The following SMPDL3A variants were observed in gnomAD, a reference collection of about 807,000 sequenced individuals.
SMPDL3A encodes the protein sphingomyelin phosphodiesterase acid like 3A, also known as cyclic GMP-AMP phosphodiesterase SMPDL3A.
Under a neutral mutation model 38.5 loss-of-function variants are expected in SMPDL3A, and 39 were observed. That is an observed-to-expected ratio of 1.01 (90% CI 0.78 to 1.32). SMPDL3A has a LOEUF of 1.32. SMPDL3A is among the 40% of genes most tolerant of loss of function. SMPDL3A has a pLI of 0.00. For synonymous variants in SMPDL3A, 180 were observed against 194.3 expected, an observed-to-expected ratio of 0.93 and a Z score of 0.61; for missense variants, 502 against 536.2, an observed-to-expected ratio of 0.94 and a Z score of 0.63.
In SMPDL3A at chr6:122,795,876, C is replaced by T; in HGVS notation, c.312C>T (p.Phe104=). The change falls in exon 2 of 8, where the codon TTC becomes TTT. Residue 104 remains phenylalanine (F), a synonymous_variant. Transcript: ENST00000368440. The part of the protein sequence containing the change: ...FIKNSGQEAS[F]MIWTGDSPPH... Reference sequence around the variant, plus strand: ...AAAATTCTGGACAAGAAGCATCTTTCATGATATGGACAGGGTAAGTGATTA... The same window carrying T: ...AAAATTCTGGACAAGAAGCATCTTTTATGATATGGACAGGGTAAGTGATTA... 6.2e-7 allele frequency: 1 copy of T among 1,608,528 alleles called. No homozygotes were observed. Among genetic ancestry groups the T allele is most frequent in the South Asian group, 1.1e-5 (1 of 90,932 alleles).
chr6:122,804,304 A>C (rs1431859286), intron 5 of SMPDL3A, among the ~76,000 whole-genome samples: 2 of 131,274 alleles, frequency 1.5e-5, no homozygotes, highest in East Asian at 4.6e-4. Context: ...TTTAGTTTTA[A>C]ATTTTTTTTT....
At chr6:122,797,496 A>C (rs772343556) in intron 3 of SMPDL3A, among the ~76,000 whole-genome samples, 2 of 152,256 alleles carry the variant, frequency 1.3e-5, no homozygotes, top group Non-Finnish European at 2.9e-5. Context: ...GATTCAAGGC[A>C]GAAACCATGT....
chr6:122,799,497 C>T (rs906115226), intron 3 of SMPDL3A, among the ~76,000 whole-genome samples: 1 of 152,174 alleles, frequency 6.6e-6, no homozygotes, highest in African/African-American at 2.4e-5. Context: ...TAAGCTTCTC[C>T]ATCACCACAC....
chr6:122,803,168 G>A (rs9388137), intron 4 of SMPDL3A, among the ~76,000 whole-genome samples: 19,888 of 152,110 alleles, frequency 0.13, 1,739 homozygotes, highest in East Asian at 0.35. Context: ...TCAGAGGCGT[G>A]GGTGGAATGA....
chr6:122,795,147 G>T (rs1260314942), intron 1 of SMPDL3A, among the ~76,000 whole-genome samples: 2 of 152,028 alleles, frequency 1.3e-5, no homozygotes, highest in African/African-American at 4.8e-5. Flanking sequence ...GAGCTCATCG[G>T]TTCTTTTTTT....
chr6:122,803,768 G>A lies in SMPDL3A; in HGVS notation c.673G>A (p.Asp225Asn). The A allele has an allele frequency of 6.2e-7, 1 of 1,613,968 alleles. No individual in the cohort carries two copies. Among genetic ancestry groups the A allele is most frequent in the Admixed American group, 1.7e-5 (1 of 59,998 alleles). ...GPNIMTLNKT[D>N]PANQFEWLES... ...AAATATAATGACACTGAACAAGACT[G>A]ACCCAGCCAACCAGTTTGAATGGCT... The change falls in exon 5 of 8, where the codon GAC (aspartate) becomes AAC (asparagine). Residue 225 changes from aspartate (D) to asparagine (N), a missense_variant. Physicochemically the swap from Asp to Asn is conservative, Grantham distance 23. Coordinates refer to ENST00000368440, the MANE Select transcript of SMPDL3A (RefSeq NM_006714.5).
Position 122,804,946 on chromosome 6 carries a change from C to T in SMPDL3A, c.776C>T (p.Pro259Leu), listed in dbSNP as rs1455078621. Residue 259 changes from proline (P) to leucine (L), a missense_variant, in exon 6 of 8, where the codon CCA (proline) becomes CTA (leucine). Transcript: ENST00000368440. ...IIAHVPVGYL[P>L]SSQNITAMRE... is the part of the protein sequence containing the mutation. ...GCACATGTTCCAGTGGGGTATCTGC[C>T]ATCTTCACAGAACATCACAGCAATG... The T allele has an allele frequency of 2.5e-6, 4 of 1,611,928 alleles. No homozygotes were observed. Among genetic ancestry groups the T allele is most frequent in the Admixed American group, 1.7e-5 (1 of 59,656 alleles).
intron 5 of SMPDL3A, 47 bp downstream of exon 5, chr6:122,803,880 A>G: frequency 6.5e-7 from 1 of 1,540,358 alleles, no homozygotes. Flanking sequence ...GGAAGGCAAA[A>G]TTTGTATGTT....
At chr6:122,808,798 C>T (rs1354054017) in intron 7 of SMPDL3A, among the ~76,000 whole-genome samples, 1 of 152,050 alleles carries the variant, frequency 6.6e-6, no homozygotes, top group Non-Finnish European at 1.5e-5. Context: ...TCTTCTGCCC[C>T]AGCCTCCTGA....
At chr6:122,806,170 T>C (rs954115674) in intron 6 of SMPDL3A, 63 bp from the exon 7 acceptor site, 1 of 1,405,850 alleles carries the variant, frequency 7.1e-7, no homozygotes, top group Non-Finnish European at 9.6e-7. Flanking sequence ...GGAAACTTTA[T>C]ATTTTTAATA....
chr6:122,808,286 T>C (rs1040632569), intron 7 of SMPDL3A, among the ~76,000 whole-genome samples: 2 of 152,158 alleles, frequency 1.3e-5, no homozygotes, highest in African/African-American at 4.8e-5. Context: ...GTGCCTTAAT[T>C]GGTAGTGTTT....
At chr6:122,797,364 C>T (rs1781283067) in intron 3 of SMPDL3A, 1 of 160,350 alleles carries the variant, frequency 6.2e-6, no homozygotes, top group Non-Finnish European at 1.3e-5. Context: ...ATTAGACCTA[C>T]AAGGATGTGC....
Position 122,797,986 on chromosome 6 carries a change from C to A in SMPDL3A, c.471+1018C>A, listed in dbSNP as rs150986968. ...CTTAAACCAACATCCTTTTGCACAT[C>A]CCTTGCCTTGCCTGATTAACATACT... On this transcript the variant is annotated intron_variant, in intron 3 of 7. Transcript: ENST00000368440. 7.9e-5 allele frequency among the ~76,000 whole-genome samples: 12 copies of A among 152,328 alleles called. No homozygotes were observed. The East Asian group carries it at 2.3e-3, about 29-fold the overall frequency.
intron 7 of SMPDL3A, among the ~76,000 whole-genome samples, chr6:122,807,081 TGGG>T (rs112687449): frequency 0.28 from 39,542 of 140,294 alleles, 5,775 homozygotes; most frequent in Non-Finnish European, 0.35. Context: ...ATTGTAGAGA[TGGG>T]GGGGGGGGGT....
At chr6:122,806,183 G>A in intron 6 of SMPDL3A, 50 bp from the exon 7 acceptor site, 1 of 1,512,216 alleles carries the variant, frequency 6.6e-7, no homozygotes, top group South Asian at 1.3e-5. Context: ...TTTTAATATA[G>A]TTAAACTCTT....
chr6:122,794,430 T>C (rs573922807), intron 1 of SMPDL3A, among the ~76,000 whole-genome samples: 237 of 152,226 alleles, frequency 1.6e-3, no homozygotes, highest in Non-Finnish European at 2.7e-3. Flanking sequence ...ACCCCGTCTC[T>C]ACTAAAAATA....
intron 1 of SMPDL3A, chr6:122,789,874 G>A: frequency 5.1e-6 from 5 of 985,232 alleles, no homozygotes; most frequent in Non-Finnish European, 6.0e-6. Context: ...GGTCCTGAAT[G>A]GAGGGGGACT....
In SMPDL3A at chr6:122,808,420, T is replaced by G. The variant is rs1381163954; in HGVS notation, c.1045-671T>G. Among the ~76,000 whole-genome samples the G allele has an allele frequency of 2.0e-5, 3 of 152,320 alleles. No homozygotes were observed. The East Asian group carries it at 5.8e-4, about 29-fold the overall frequency. ...CTTTTGTGAGCTGGTACGAGCTGCC[T>G]TCAGCACACCACTGATACACACAAC... On this transcript the variant is annotated intron_variant, in intron 7 of 7. Transcript: ENST00000368440.
At chr6:122,795,637 G>T (rs1254181850) in intron 1 of SMPDL3A, 40 bp from the exon 2 acceptor site, 9 of 1,460,838 alleles carry the variant, frequency 6.2e-6, no homozygotes, top group South Asian at 1.2e-5. Context: ...TTCCAAAAGA[G>T]AACAAGTAGA....
Sources: gnomAD v4.1 joint callset for allele counts (sites outside exome capture counted in the v4.1 genomes callset) on GRCh38, gnomAD v4.1.1 for gene constraint, MANE v1.5 for transcripts, NCBI Gene and HGNC (gene_info 2026-07-23, HGNC 2026-07-21) for gene names.